The following PACRG variants were observed in gnomAD, a reference collection of about 807,000 sequenced individuals.
The protein encoded by PACRG is parkin coregulated gene protein.
In PACRG, 29 loss-of-function variants were observed where a neutral mutation model predicts 29.7. The observed-to-expected ratio is 0.98, with a 90% confidence interval of 0.73 to 1.33. PACRG has a LOEUF of 1.33. Ranked by LOEUF, PACRG falls within the 40% of genes most tolerant of loss-of-function variation. The pLI is 0.00. For synonymous variants in PACRG, 116 were observed against 118.7 expected (o/e 0.98, Z 0.15); for missense variants, 279 against 316.2 (o/e 0.88, Z 0.89).
chr6:163,261,485 G>A (rs1783324682), intron 4 of PACRG, among the ~76,000 whole-genome samples: 1 of 151,942 alleles, frequency 6.6e-6, no homozygotes, highest in Admixed American at 6.6e-5. Context: ...CTCTTTGCTG[G>A]CCTCCCATTA....
intron 2 of PACRG, among the ~76,000 whole-genome samples, chr6:162,944,178 C>T (rs528008324): frequency 3.3e-5 from 5 of 152,312 alleles, no homozygotes; most frequent in Non-Finnish European, 5.9e-5. Context: ...TAATAACTAC[C>T]GTAAGCCACT....
At position 162,747,393 on chromosome 6, in the gene PACRG, T is replaced by TATATAC. The variant is rs1554271476; in HGVS notation, c.156+19007_156+19008insCATATA. On this transcript the variant is annotated intron_variant, in intron 1 of 4. Transcript: ENST00000366888. The stretch of plus-strand genomic sequence containing the variant: ...ATACATATATATGTATATATATGTA[T>TATATAC]ATATATATGTATATATATATATAAC... Among the ~76,000 whole-genome samples the TATATAC allele has an allele frequency of 1.6e-4, 6 of 36,996 alleles. No individual in the cohort carries two copies. In the South Asian group the frequency reaches 6.5e-3, roughly 40 times the overall value. The allele number at this position is 36,996 out of a possible 152,430, so 24.3% of individuals were successfully genotyped here.
intron 4 of PACRG, among the ~76,000 whole-genome samples, chr6:163,116,935 A>G (rs554159): frequency 0.27 from 41,340 of 151,980 alleles, 5,808 homozygotes; most frequent in East Asian, 0.51. Flanking sequence ...GGATCCCCAG[A>G]CGAGCACTCA....
At chr6:162,843,910 GGGGGTCA>G (rs1166297668) in intron 2 of PACRG, among the ~76,000 whole-genome samples, 5 of 70,336 alleles carry the variant, frequency 7.1e-5, no homozygotes, top group African/African-American at 3.1e-4. Flanking sequence ...TAGGCTGCTC[GGGGGTCA>G]GGGGTCAGGG....
At chr6:163,036,920 C>T (rs1021901321) in intron 2 of PACRG, among the ~76,000 whole-genome samples, 11 of 151,578 alleles carry the variant, frequency 7.3e-5, no homozygotes, top group African/African-American at 2.4e-4. Flanking sequence ...ATCCATTCAC[C>T]CAGGTCTCTG....
chr6:162,852,993 A>T (rs535726492), intron 2 of PACRG, among the ~76,000 whole-genome samples: 2 of 152,270 alleles, frequency 1.3e-5, no homozygotes, highest in East Asian at 3.9e-4. Flanking sequence ...CACCAACATG[A>T]TTTCAAACGG....
intron 2 of PACRG, among the ~76,000 whole-genome samples, chr6:162,871,348 C>A (rs1792785962): frequency 6.6e-6 from 1 of 151,980 alleles, no homozygotes; most frequent in Non-Finnish European, 1.5e-5. Flanking sequence ...AAGGTATTTC[C>A]CCAAGGTCTT....
At chr6:162,812,373 TAC>T (rs775221553) in intron 1 of PACRG, among the ~76,000 whole-genome samples, 3 of 152,068 alleles carry the variant, frequency 2.0e-5, no homozygotes, top group Admixed American at 6.5e-5. Context: ...ACAATAACAA[TAC>T]ACACACACAT....
intron 4 of PACRG, among the ~76,000 whole-genome samples, chr6:163,142,964 G>A (rs1011518021): frequency 6.6e-6 from 1 of 152,176 alleles, no homozygotes; most frequent in African/African-American, 2.4e-5. Flanking sequence ...GGAGACCTGA[G>A]AACTAAATGC....
chr6:162,747,667 A>G (rs1306253109), intron 1 of PACRG, among the ~76,000 whole-genome samples: 2 of 151,004 alleles, frequency 1.3e-5, no homozygotes, highest in Non-Finnish European at 2.9e-5. Context: ...GAATCAACCA[A>G]TCAACCAGAT....
At chr6:162,736,499 T>C (rs1780174887) in intron 1 of PACRG, among the ~76,000 whole-genome samples, 1 of 152,150 alleles carries the variant, frequency 6.6e-6, no homozygotes, top group South Asian at 2.1e-4. Flanking sequence ...AGCACAGAGC[T>C]GAACGACCTG....
At chr6:163,117,007 C>T (rs1816033796) in intron 4 of PACRG, among the ~76,000 whole-genome samples, 1 of 152,192 alleles carries the variant, frequency 6.6e-6, no homozygotes, top group South Asian at 2.1e-4. Context: ...CATTTCTCCA[C>T]TCCCTGTCAC....
chr6:163,187,831 G>T (rs923631351), intron 4 of PACRG: 2 of 152,432 alleles, frequency 1.3e-5, no homozygotes, highest in Non-Finnish European at 2.9e-5. Context: ...CCTGTTACGC[G>T]CCTGTCCGCT....
At chr6:163,294,715 T>C (rs1784728926) in intron 4 of PACRG, among the ~76,000 whole-genome samples, 1 of 152,204 alleles carries the variant, frequency 6.6e-6, no homozygotes, top group Admixed American at 6.5e-5. Flanking sequence ...ACAGATAACT[T>C]GAAAGCTATA....
In PACRG at chr6:162,965,924, G is replaced by A. The variant is rs144012745; in HGVS notation, c.292-96226G>A. Among the ~76,000 whole-genome samples, 225 of 152,334 alleles carry A rather than the reference G, an allele frequency of 1.5e-3. 1 individual carries two copies. Among genetic ancestry groups the A allele is most frequent in the African/African-American group, 5.0e-3 (209 of 41,568 alleles). ...TAGAGGGCTTGAGATTGTGCAGAAG[G>A]TTTGGGATGGGAGACGAAATGCATC... is the stretch of plus-strand genomic sequence containing the variant. On this transcript the variant is annotated intron_variant, in intron 2 of 4. Coordinates refer to ENST00000366888, the MANE Select transcript of PACRG (RefSeq NM_001080379.2).
At chr6:162,763,779 G>A (rs1284570295) in intron 1 of PACRG, among the ~76,000 whole-genome samples, 4 of 152,100 alleles carry the variant, frequency 2.6e-5, no homozygotes, top group African/African-American at 9.7e-5. Flanking sequence ...TAAAAGTACA[G>A]CGTTGTTTTA....
intron 2 of PACRG, among the ~76,000 whole-genome samples, chr6:162,905,755 G>A (rs1367301550): frequency 6.6e-6 from 1 of 152,188 alleles, no homozygotes; most frequent in African/African-American, 2.4e-5. Flanking sequence ...ATTGGTGGGA[G>A]CTGCCCGAAG....
intron 4 of PACRG, among the ~76,000 whole-genome samples, chr6:163,199,806 TTG>T (rs1780626224): frequency 1.3e-5 from 2 of 152,278 alleles, no homozygotes; most frequent in South Asian, 4.2e-4. Flanking sequence ...CTTTTGTTTG[TTG>T]TGTGTCTGTG....
intron 4 of PACRG, chr6:163,170,882 A>G (rs959149609): frequency 2.0e-5 from 3 of 152,216 alleles, no homozygotes; most frequent in Non-Finnish European, 4.4e-5. Context: ...TCTTCTTACC[A>G]GTACGAGTCC....
Sources: gnomAD v4.1 joint callset for allele counts (sites outside exome capture counted in the v4.1 genomes callset) on GRCh38, gnomAD v4.1.1 for gene constraint, MANE v1.5 for transcripts, NCBI Gene and HGNC (gene_info 2026-07-23, HGNC 2026-07-21) for gene names.